DNER: variants seen among roughly 807,000 people sequenced by gnomAD.
The protein encoded by DNER is delta/notch like EGF repeat containing.
DNER carries 33 observed loss-of-function variants against 78.2 expected under a neutral mutation model. The ratio of observed to expected loss-of-function variants is 0.42; its 90% CI spans 0.32 to 0.56. The LOEUF (loss-of-function observed/expected upper bound fraction) is 0.56. Ranked by LOEUF, DNER falls within the 20% of genes least tolerant of loss-of-function variation. The pLI, the probability that DNER is intolerant of heterozygous loss-of-function variation, is 0.11. For synonymous variants in DNER, 417 were observed against 384.8 expected, an observed-to-expected ratio of 1.08 and a Z score of -0.98; for missense variants, 918 against 975.3, an observed-to-expected ratio of 0.94 and a Z score of 0.78.
chr2:229,447,587 A>T, intron 7 of DNER, 47 bp from the exon 8 acceptor site: 1 of 1,564,758 alleles, frequency 6.4e-7, no homozygotes, highest in South Asian at 1.2e-5. Context: ...ACACATTTGC[A>T]CATAATAACT....
chr2:229,491,968 C>A (rs1483247450), intron 6 of DNER, among the ~76,000 whole-genome samples: 1 of 151,998 alleles, frequency 6.6e-6, no homozygotes, highest in East Asian at 1.9e-4. Context: ...CACACACACA[C>A]ACACACACAG....
At chr2:229,628,157 G>A (rs1698376550) in intron 1 of DNER, among the ~76,000 whole-genome samples, 1 of 152,166 alleles carries the variant, frequency 6.6e-6, no homozygotes, top group African/African-American at 2.4e-5. Context: ...CCACCATGCT[G>A]GGAGAAGCCT....
chr2:229,603,343 C>CA (rs1416183737), intron 1 of DNER, among the ~76,000 whole-genome samples: 1 of 152,104 alleles, frequency 6.6e-6, no homozygotes, highest in Non-Finnish European at 1.5e-5. Flanking sequence ...AGCACACCAA[C>CA]ATGGCACATG....
intron 1 of DNER, among the ~76,000 whole-genome samples, chr2:229,611,349 C>CA (rs1698042053): frequency 6.6e-6 from 1 of 152,194 alleles, no homozygotes; most frequent in African/African-American, 2.4e-5. Context: ...CTAAGGCCAC[C>CA]AGGAACCAAG....
chr2:229,505,390 G>A (rs1251133334), intron 6 of DNER, among the ~76,000 whole-genome samples: 1 of 152,142 alleles, frequency 6.6e-6, no homozygotes, highest in Non-Finnish European at 1.5e-5. Context: ...TGATGCCAAG[G>A]TAACATTCCT....
chr2:229,364,222 TTC>T (rs528399997), intron 12 of DNER, among the ~76,000 whole-genome samples: 3 of 152,098 alleles, frequency 2.0e-5, no homozygotes, highest in African/African-American at 7.2e-5. Context: ...ACTGCAAATG[TTC>T]CTCTAGGCTG....
chr2:229,413,566 C>T (rs1477457513), intron 9 of DNER, among the ~76,000 whole-genome samples: 6 of 151,304 alleles, frequency 4.0e-5, no homozygotes, highest in Admixed American at 6.6e-5. Flanking sequence ...CATTATCTGC[C>T]GGCCTCAGCC....
intron 1 of DNER, among the ~76,000 whole-genome samples, chr2:229,631,051 T>A (rs1698426398): frequency 6.6e-6 from 1 of 152,220 alleles, no homozygotes; most frequent in Admixed American, 6.5e-5. Context: ...GATGGGCACC[T>A]GGGTTGATTG....
In DNER at chr2:229,619,662, G is replaced by T. The variant is rs188934069; in HGVS notation, c.277-27774C>A. ...CTGCTGGTACGTATAGTGTACTGAG[G>T]GACCATTTCTTAAAAATGACTGCAA... On this transcript the variant is annotated intron_variant, in intron 1 of 12. Transcript: ENST00000341772. Among the ~76,000 whole-genome samples, 220 of 152,046 alleles carry T rather than the reference G, an allele frequency of 1.4e-3. 1 individual carries two copies. Among genetic ancestry groups the T allele is most frequent in the Non-Finnish European group, 2.2e-3 (148 of 67,986 alleles).
At position 229,390,300 on chromosome 2, in the gene DNER, C is replaced by T. The variant is rs143887376; in HGVS notation, c.1724-1904G>A. 1.7e-3 allele frequency among the ~76,000 whole-genome samples: 265 copies of T among 152,348 alleles called. 1 individual carries two copies. Among genetic ancestry groups the T allele is most frequent in the Middle Eastern group, 6.8e-3 (2 of 294 alleles). On this transcript the variant is annotated intron_variant, in intron 10 of 12. Transcript: ENST00000341772. ...CTATGGTCTGGCAAAACTCAAAAGC[C>T]TCACTCTGCTTCACGAAGTCCAATG...
At chr2:229,589,102 G>C (rs907247644) in intron 2 of DNER, among the ~76,000 whole-genome samples, 2 of 152,146 alleles carry the variant, frequency 1.3e-5, no homozygotes, top group African/African-American at 2.4e-5. Context: ...ATCAATTGGT[G>C]GGGGGAGGAC....
intron 5 of DNER, among the ~76,000 whole-genome samples, chr2:229,537,859 A>G (rs1283364305): frequency 1.3e-5 from 2 of 152,134 alleles, no homozygotes; most frequent in Non-Finnish European, 2.9e-5. Flanking sequence ...TGCACCCACT[A>G]ACTCGTCATC....
intron 7 of DNER, among the ~76,000 whole-genome samples, chr2:229,466,846 C>T (rs867897451): frequency 7.9e-5 from 12 of 152,052 alleles, no homozygotes; most frequent in Middle Eastern, 3.2e-3. Context: ...CAGTCAGATC[C>T]GATTTTGGTT....
At chr2:229,420,641 T>C (rs769029861) in intron 8 of DNER, among the ~76,000 whole-genome samples, 7 of 152,090 alleles carry the variant, frequency 4.6e-5, no homozygotes, top group Non-Finnish European at 1.0e-4. Context: ...CATATGAAAA[T>C]AACATCACTA....
chr2:229,484,413 G>A (rs1695229196), intron 6 of DNER, among the ~76,000 whole-genome samples: 1 of 152,216 alleles, frequency 6.6e-6, no homozygotes, highest in Admixed American at 6.5e-5. Context: ...GGCAGACTGA[G>A]ATCAGTAGAG....
chr2:229,460,308 T>G (rs1235375024), intron 7 of DNER, among the ~76,000 whole-genome samples: 2 of 151,328 alleles, frequency 1.3e-5, no homozygotes, highest in South Asian at 2.1e-4. Context: ...TAAGAGAAAA[T>G]CATAAATGTT....
chr2:229,604,075 C>A (rs1260146476), intron 1 of DNER, among the ~76,000 whole-genome samples: 1 of 152,182 alleles, frequency 6.6e-6, no homozygotes, highest in Non-Finnish European at 1.5e-5. Context: ...CTCCTAATGA[C>A]TTTGACCTTC....
chr2:229,373,566 C>T (rs1231451723), intron 11 of DNER, among the ~76,000 whole-genome samples: 2 of 152,184 alleles, frequency 1.3e-5, no homozygotes, highest in Non-Finnish European at 2.9e-5. Context: ...CTATTCAACT[C>T]AGCAATCTCA....
intron 4 of DNER, among the ~76,000 whole-genome samples, chr2:229,559,404 C>A (rs762260398): frequency 6.6e-6 from 1 of 152,100 alleles, no homozygotes; most frequent in Non-Finnish European, 1.5e-5. Flanking sequence ...CATCATCATA[C>A]TAGAAAAATC....
Sources: gnomAD v4.1 joint callset for allele counts (sites outside exome capture counted in the v4.1 genomes callset) on GRCh38, gnomAD v4.1.1 for gene constraint, MANE v1.5 for transcripts, NCBI Gene and HGNC (gene_info 2026-07-23, HGNC 2026-07-21) for gene names.